ZBTB46: variants seen among roughly 807,000 people sequenced by gnomAD.
The protein encoded by ZBTB46 is zinc finger and BTB domain containing 46.
ZBTB46 carries 8 observed loss-of-function variants against 44.1 expected under a neutral mutation model. The ratio of observed to expected loss-of-function variants is 0.18; its 90% CI spans 0.11 to 0.33. The LOEUF (loss-of-function observed/expected upper bound fraction) is 0.33, where lower values mean the gene tolerates loss of function less well. ZBTB46 is among the 10% of genes least tolerant of loss of function. The pLI, the probability that ZBTB46 is intolerant of heterozygous loss-of-function variation, is 1.00. For synonymous variants in ZBTB46, 409 were observed against 382.3 expected, an observed-to-expected ratio of 1.07 and a Z score of -0.81; for missense variants, 651 against 847.7, an observed-to-expected ratio of 0.77 and a Z score of 2.88.
At chr20:63,822,945 A>C (rs914913286) in intron 1 of ZBTB46, among the ~76,000 whole-genome samples, 1 of 106,704 alleles carries the variant, frequency 9.4e-6, no homozygotes. Flanking sequence ...TGGATCACTT[A>C]AGCTCAGGAG....
chr20:63,749,402 T>C (rs2092136909), intron 4 of ZBTB46, among the ~76,000 whole-genome samples: 1 of 152,214 alleles, frequency 6.6e-6, no homozygotes. Context: ...AGTGTTGCCA[T>C]CTCGGCTCAC....
At chr20:63,774,848 C>T (rs1188603636) in intron 3 of ZBTB46, among the ~76,000 whole-genome samples, 1 of 151,828 alleles carries the variant, frequency 6.6e-6, no homozygotes. Context: ...GGACTACAGG[C>T]GCCCGCCACC....
intron 3 of ZBTB46, among the ~76,000 whole-genome samples, chr20:63,761,061 T>C (rs1206731361): frequency 2.0e-5 from 3 of 146,836 alleles, no homozygotes; most frequent in Middle Eastern, 3.2e-3. Flanking sequence ...TGTGGTGCCA[T>C]GATCTCGGCT....
At chr20:63,782,332 G>A (rs1264269474) in intron 2 of ZBTB46, among the ~76,000 whole-genome samples, 1 of 152,154 alleles carries the variant, frequency 6.6e-6, no homozygotes, top group Non-Finnish European at 1.5e-5. Flanking sequence ...AGCAGAGAAG[G>A]AGGCAGGAGG....
In ZBTB46 at chr20:63,746,947, A is replaced by T; in HGVS notation, c.1753T>A (p.Phe585Ile). The change falls in exon 5 of 5, where the codon TTC (phenylalanine) becomes ATC (isoleucine). Residue 585 changes from phenylalanine to isoleucine, a missense_variant. By Grantham distance (21) the Phe-to-Ile change is conservative. Transcript: ENST00000245663. ...RSPPGGPDKD[F>I]AWLS Reference sequence around the variant, plus strand: ...GGGCGGGCCTAGGAGAGCCAGGCGAAGTCCTTGTCAGGGCCTCCTGGGGGG... The same window carrying T: ...GGGCGGGCCTAGGAGAGCCAGGCGATGTCCTTGTCAGGGCCTCCTGGGGGG... 1 of 1,572,770 alleles carries T rather than the reference A, an allele frequency of 6.4e-7. No homozygotes were observed. Among genetic ancestry groups the T allele is most frequent in the Non-Finnish European group, 8.6e-7 (1 of 1,163,092 alleles).
chr20:63,794,797 G>C (rs66486049), intron 1 of ZBTB46, among the ~76,000 whole-genome samples: 12,466 of 152,162 alleles, frequency 0.082, 940 homozygotes, highest in East Asian at 0.43. Flanking sequence ...AGGAGCACAA[G>C]ATCTAACGGA....
chr20:63,826,489 G>A (rs1002858506), intron 1 of ZBTB46, among the ~76,000 whole-genome samples: 16 of 152,024 alleles, frequency 1.1e-4, no homozygotes, highest in Admixed American at 6.5e-4. Context: ...TTGGGAGGCC[G>A]AGGCGGGTGA....
upstream of ZBTB46, among the ~76,000 whole-genome samples, chr20:63,832,621 C>T (rs375148109): frequency 8.2e-3 from 1,244 of 152,298 alleles, 19 homozygotes; most frequent in African/African-American, 0.029. The surrounding 1 kb of genome is among the most constrained non-coding windows in gnomAD (Gnocchi z 5.0). Flanking sequence ...ACTGCCGTCG[C>T]GGGCGCCTGG....
Position 63,744,307 on chromosome 20 carries a change from C to T in ZBTB46, c.*2623G>A. ...TTCTGAGTCAGTTCCCTACGTAGCC[C>T]TGGCAGTGTCCTGTGTCCCAAAGCT... is the stretch of plus-strand genomic sequence containing the variant. On this transcript the variant is annotated 3_prime_UTR_variant, in exon 5 of 5. Coordinates refer to ENST00000245663, the MANE Select transcript of ZBTB46 (RefSeq NM_001369741.1). 6.6e-6 allele frequency: 1 copy of T among 152,188 alleles called. No individual in the cohort carries two copies. Among genetic ancestry groups the T allele is most frequent in the Non-Finnish European group, 1.5e-5 (1 of 68,040 alleles). The allele number at this position is 152,188 out of a possible 1,614,324, so 9.4% of individuals were successfully genotyped here. A position where few individuals can be genotyped will look rare whatever the true frequency, so the allele number is the denominator to read the frequency against.
chr20:63,827,661 C>G (rs1350975233), intron 1 of ZBTB46, among the ~76,000 whole-genome samples: 1 of 151,238 alleles, frequency 6.6e-6, no homozygotes, highest in Non-Finnish European at 1.5e-5. Flanking sequence ...TCTGCAAATG[C>G]TTTTGAAAAA....
At chr20:63,765,847 C>T (rs958731172) in intron 3 of ZBTB46, among the ~76,000 whole-genome samples, 31 of 152,206 alleles carry the variant, frequency 2.0e-4, no homozygotes, top group Admixed American at 6.5e-4. Flanking sequence ...TTACTATCTG[C>T]CACGAGCATA....
At chr20:63,747,344 G>C in intron 4 of ZBTB46, 43 bp from the exon 5 acceptor site, 3 of 1,339,508 alleles carry the variant, frequency 2.2e-6, no homozygotes, top group South Asian at 1.6e-5. Context: ...TGGTGGGTTG[G>C]GGGGCGGGGC....
At chr20:63,817,453 G>C (rs1206982936) in intron 1 of ZBTB46, among the ~76,000 whole-genome samples, 5 of 151,896 alleles carry the variant, frequency 3.3e-5, no homozygotes, top group Non-Finnish European at 7.4e-5. Context: ...AGTGGCTCAG[G>C]CTTGTAATCC....
intron 3 of ZBTB46, among the ~76,000 whole-genome samples, chr20:63,772,159 TA>T (rs1357605800): frequency 4.6e-5 from 7 of 151,900 alleles, no homozygotes; most frequent in Non-Finnish European, 1.5e-5. Context: ...CACACCCGGG[TA>T]ATTTTTTGTA....
intron 3 of ZBTB46, among the ~76,000 whole-genome samples, chr20:63,759,525 C>T (rs1239220444): frequency 6.6e-6 from 1 of 152,098 alleles, no homozygotes; most frequent in Non-Finnish European, 1.5e-5. Flanking sequence ...GTGCCTGGCC[C>T]CTTTCATTTA....
chr20:63,832,269 C>G (rs2092855997), upstream of ZBTB46, among the ~76,000 whole-genome samples: 1 of 152,152 alleles, frequency 6.6e-6, no homozygotes, highest in Admixed American at 6.5e-5. This position sits in a 1 kb window ranked among gnomAD's most constrained non-coding sequence, Gnocchi z 5.0. Flanking sequence ...AGCGCGGCCC[C>G]GCATTCCTGG....
intron 1 of ZBTB46, among the ~76,000 whole-genome samples, chr20:63,826,893 G>A (rs1160439254): frequency 6.6e-6 from 1 of 152,218 alleles, no homozygotes; most frequent in Non-Finnish European, 1.5e-5. Flanking sequence ...CCTACGTACA[G>A]TGGCCCTGCC....
intron 3 of ZBTB46, among the ~76,000 whole-genome samples, chr20:63,753,985 T>C (rs1175027824): frequency 6.6e-6 from 1 of 152,176 alleles, no homozygotes; most frequent in Non-Finnish European, 1.5e-5. Context: ...CTACTGAGGC[T>C]CTGGGGGCTC....
chr20:63,755,585 C>T (rs1359516182), intron 3 of ZBTB46, among the ~76,000 whole-genome samples: 1 of 152,218 alleles, frequency 6.6e-6, no homozygotes, highest in Non-Finnish European at 1.5e-5. Flanking sequence ...CAAAGAGTCA[C>T]ATCCACAAGC....
Sources: allele counts gnomAD v4.1 joint callset (sites outside exome capture counted in the v4.1 genomes callset), GRCh38; gene constraint gnomAD v4.1.1; non-coding constraint Gnocchi (gnomAD v3.1); transcripts MANE v1.5; gene names NCBI Gene and HGNC (gene_info 2026-07-23, HGNC 2026-07-21).